CCSER1: variants seen among roughly 807,000 people sequenced by gnomAD.
CCSER1 encodes coiled-coil serine rich protein 1.
CCSER1 carries 41 observed loss-of-function variants against 82.0 expected under a neutral mutation model. The observed-to-expected ratio is 0.50, with a 90% CI of 0.39 to 0.65. The LOEUF (loss-of-function observed/expected upper bound fraction) is 0.65, where lower values mean the gene tolerates loss of function less well. Ranked by LOEUF, CCSER1 falls within the 30% of genes least tolerant of loss-of-function variation. The pLI is 0.00. For synonymous variants in CCSER1, 414 were observed against 383.9 expected (o/e 1.08, Z -0.92); for missense variants, 1,119 against 1,064.2 (o/e 1.05, Z -0.72).
intron 8 of CCSER1, among the ~76,000 whole-genome samples, chr4:90,845,579 G>A (rs1356926286): frequency 6.6e-6 from 1 of 151,996 alleles, no homozygotes; most frequent in Non-Finnish European, 1.5e-5. Flanking sequence ...GTGCCTGCTT[G>A]CATATGACAG....
At chr4:91,080,275 A>G (rs952533962) in intron 9 of CCSER1, among the ~76,000 whole-genome samples, 2 of 152,108 alleles carry the variant, frequency 1.3e-5, no homozygotes, top group East Asian at 1.9e-4. Context: ...ACTCAAAACC[A>G]CTCAACTACA....
chr4:90,292,333 G>T (rs1481510565), intron 1 of CCSER1, among the ~76,000 whole-genome samples: 1 of 151,866 alleles, frequency 6.6e-6, no homozygotes, highest in African/African-American at 2.4e-5. Context: ...ATGTATATTT[G>T]TATGTGTACT....
intron 6 of CCSER1, among the ~76,000 whole-genome samples, chr4:90,690,719 G>A (rs992076256): frequency 2.8e-4 from 42 of 151,968 alleles, no homozygotes; most frequent in African/African-American, 1.0e-3. Context: ...GCAGCAAGGA[G>A]CCACCTTATT....
chr4:90,789,511 C>T (rs1190982634), intron 7 of CCSER1, among the ~76,000 whole-genome samples: 2 of 152,068 alleles, frequency 1.3e-5, no homozygotes, highest in South Asian at 2.1e-4. Context: ...TATGGTTTGG[C>T]TCTGTCCCCA....
At chr4:90,457,534 T>C (rs1388842219) in intron 4 of CCSER1, among the ~76,000 whole-genome samples, 1 of 152,148 alleles carries the variant, frequency 6.6e-6, no homozygotes, top group Non-Finnish European at 1.5e-5. Flanking sequence ...AGTGGGTAGC[T>C]TCTTTCAACA....
chr4:90,947,769 C>T (rs1732430883), intron 9 of CCSER1, among the ~76,000 whole-genome samples: 1 of 152,070 alleles, frequency 6.6e-6, no homozygotes, highest in South Asian at 2.1e-4. Flanking sequence ...TCTCTAGAGA[C>T]TGTAAGTGAC....
chr4:90,898,715 A>G (rs1276286795), intron 8 of CCSER1, among the ~76,000 whole-genome samples: 4 of 152,012 alleles, frequency 2.6e-5, no homozygotes, highest in East Asian at 3.9e-4. Context: ...TACTTTCCCC[A>G]TTGTTTATTT....
intron 7 of CCSER1, among the ~76,000 whole-genome samples, chr4:90,751,666 T>G (rs1748687227): frequency 6.6e-6 from 1 of 152,118 alleles, no homozygotes. Context: ...GTTTGCTTGG[T>G]GTTGACGTTG....
intron 3 of CCSER1, among the ~76,000 whole-genome samples, chr4:90,397,530 A>G (rs1752154603): frequency 6.6e-6 from 1 of 152,180 alleles, no homozygotes; most frequent in South Asian, 2.1e-4. Context: ...TGACCTACCT[A>G]TGACATTTTT....
intron 10 of CCSER1, among the ~76,000 whole-genome samples, chr4:91,577,777 T>C (rs959435248): frequency 1.3e-5 from 2 of 152,066 alleles, no homozygotes; most frequent in Non-Finnish European, 2.9e-5. Context: ...AATCGTTGTG[T>C]CATAAAAATT....
intron 1 of CCSER1, among the ~76,000 whole-genome samples, chr4:90,180,767 T>A (rs565844964): frequency 3.9e-4 from 59 of 152,228 alleles, no homozygotes; most frequent in South Asian, 1.4e-3. Context: ...CTTGAAAAAC[T>A]GAGACAGGGA....
At chr4:90,893,814 A>G (rs1257431858) in intron 8 of CCSER1, among the ~76,000 whole-genome samples, 3 of 150,756 alleles carry the variant, frequency 2.0e-5, no homozygotes, top group Non-Finnish European at 4.4e-5. Context: ...TTTTATCTCT[A>G]TTCAATATGT....
chr4:90,799,126 G>GTC (rs1473537580), intron 7 of CCSER1, among the ~76,000 whole-genome samples: 1 of 152,132 alleles, frequency 6.6e-6, no homozygotes, highest in Non-Finnish European at 1.5e-5. Context: ...TGTGTGTATG[G>GTC]TCACACTGGA....
chr4:91,442,175 G>A (rs1197708733), intron 10 of CCSER1, among the ~76,000 whole-genome samples: 1 of 151,018 alleles, frequency 6.6e-6, no homozygotes, highest in Admixed American at 6.6e-5. Flanking sequence ...TCAATCCTAA[G>A]CCAAAAGAAC....
At chr4:90,418,764 A>T (rs1756200033) in intron 4 of CCSER1, among the ~76,000 whole-genome samples, 1 of 152,030 alleles carries the variant, frequency 6.6e-6, no homozygotes, top group African/African-American at 2.4e-5. Flanking sequence ...TATGGGCATC[A>T]CTTAATATAT....
chr4:90,887,194 A>T lies in CCSER1; in HGVS notation c.2095-36176A>T, dbSNP rs17017773. The stretch of plus-strand genomic sequence containing the variant: ...ATTTTCCAGATTCAGGCCACCAAGA[A>T]GAATTATACTGGCTGAGGATACTAC... On this transcript the variant is annotated intron_variant, in intron 8 of 10. Coordinates refer to ENST00000509176, the MANE Select transcript of CCSER1 (RefSeq NM_001145065.2). Among the ~76,000 whole-genome samples the T allele has an allele frequency of 3.0e-3, 451 of 152,310 alleles. 6 individuals carry two copies. The highest frequency in any genetic ancestry group is 0.027 in the Admixed American group (407 of 15,300).
At chr4:90,549,370 G>A (rs548414858) in intron 5 of CCSER1, among the ~76,000 whole-genome samples, 28 of 152,200 alleles carry the variant, frequency 1.8e-4, no homozygotes, top group Non-Finnish European at 2.9e-4. Flanking sequence ...ACAAGAAAAT[G>A]AAGAAAGTAA....
At chr4:91,417,179 A>G (rs1301065676) in intron 10 of CCSER1, among the ~76,000 whole-genome samples, 2 of 152,226 alleles carry the variant, frequency 1.3e-5, no homozygotes, top group South Asian at 2.1e-4. Context: ...GCCAGTGAGT[A>G]TGATGATTAT....
chr4:91,424,822 T>A (rs2149387082), intron 10 of CCSER1, among the ~76,000 whole-genome samples: 1 of 152,192 alleles, frequency 6.6e-6, no homozygotes, highest in East Asian at 1.9e-4. Context: ...TTAATAGCTA[T>A]TGTTTAATTG....
Sources: gnomAD v4.1 joint callset for allele counts (sites outside exome capture counted in the v4.1 genomes callset) on GRCh38, gnomAD v4.1.1 for gene constraint, MANE v1.5 for transcripts, NCBI Gene and HGNC (gene_info 2026-07-23, HGNC 2026-07-21) for gene names.